Variants in GOLGA3 observed in about 807,000 individuals in gnomAD.
The protein encoded by GOLGA3 is golgin A3, also known as golgin subfamily A member 3.
Under a neutral mutation model 169.4 loss-of-function variants are expected in GOLGA3, and 75 were observed. The observed-to-expected ratio is 0.44, with a 90% CI of 0.37 to 0.54. The LOEUF (loss-of-function observed/expected upper bound fraction) is 0.54, where lower values mean the gene tolerates loss of function less well. Among genes scored for constraint, GOLGA3 ranks in the 20% least tolerant of loss-of-function variants. GOLGA3 has a pLI of 0.00. For synonymous variants in GOLGA3, 824 were observed against 822.4 expected, an observed-to-expected ratio of 1.00 and a Z score of -0.03; for missense variants, 1,899 against 1,930.0, an observed-to-expected ratio of 0.98 and a Z score of 0.30.
Position 132,804,984 on chromosome 12 carries a change from G to A in GOLGA3, c.1329C>T (p.Ala443=), listed in dbSNP as rs149503883. The A allele has an allele frequency of 1.9e-3, 3,048 of 1,611,708 alleles. 9 individuals carry two copies. The highest frequency in any genetic ancestry group is 4.0e-3 in the South Asian group (367 of 91,046). Residue 443 remains alanine, a synonymous_variant, in exon 7 of 24, where the codon GCC becomes GCT. Transcript: ENST00000450791. The surrounding 1 kb of genome is among the most constrained non-coding windows in gnomAD (Gnocchi z 4.1). Reference sequence around the variant, plus strand: ...GCGCCTGCAGCTTCGTGCTGAGGGCGGCCAGCTGGGCCTGCAGCTCAGCCT... The same window carrying A: ...GCGCCTGCAGCTTCGTGCTGAGGGCAGCCAGCTGGGCCTGCAGCTCAGCCT... ...KEKAELQAQL[A]ALSTKLQAQV...
intron 18 of GOLGA3, among the ~76,000 whole-genome samples, chr12:132,778,893 GAA>G (rs58841336): frequency 7.1e-6 from 1 of 141,756 alleles, no homozygotes; most frequent in Non-Finnish European, 1.5e-5. Flanking sequence ...GACTCCGTCT[GAA>G]AAAAAAAAAA....
intron 8 of GOLGA3, among the ~76,000 whole-genome samples, chr12:132,799,910 T>C (rs1949047620): frequency 6.6e-6 from 1 of 152,026 alleles, no homozygotes; most frequent in South Asian, 2.1e-4. Context: ...CTGGCTAACT[T>C]TTGCATTTTT....
Position 132,772,121 on chromosome 12 carries a change from ATAAT to A in GOLGA3, c.*980_*983del, listed in dbSNP as rs1256558188. 1 of 152,274 alleles carries A rather than the reference ATAAT, an allele frequency of 6.6e-6. No homozygotes were observed. The highest frequency in any genetic ancestry group is 1.5e-5 in the Non-Finnish European group (1 of 68,044). 9.4% of individuals were successfully genotyped at this position (152,274 alleles called of 1,614,324 possible). ...TATTTGGCTTTAGAAGGTAAATAAA[ATAAT>A]TATATTTCTTAGAATTTTCTGACTA... On this transcript the variant is annotated 3_prime_UTR_variant, in exon 24 of 24. Coordinates refer to ENST00000450791, the MANE Select transcript of GOLGA3 (RefSeq NM_001389683.1).
intron 4 of GOLGA3, among the ~76,000 whole-genome samples, chr12:132,808,959 G>C (rs1191287269): frequency 6.6e-6 from 1 of 152,206 alleles, no homozygotes. Flanking sequence ...GCTGGGCCTG[G>C]GGGACCACTA....
In GOLGA3 at chr12:132,822,077, T is replaced by G. The variant is rs550086366; in HGVS notation, c.52A>C (p.Ser18Arg). ...QDGLQEDRSH[S>R]GPSSLPEAPL... is the part of the protein sequence containing the mutation. ...GCCTCGGGGAGAGACGAGGGGCCAC[T>G]GTGGGATCTGTCCTCCTGGAGGCCA... The change falls in exon 2 of 24, where the codon AGT (serine) becomes CGT (arginine). Residue 18 changes from serine (S) to arginine (R), a missense_variant. Coordinates refer to ENST00000450791, the MANE Select transcript of GOLGA3 (RefSeq NM_001389683.1). 5 of 1,607,372 alleles carry G rather than the reference T, an allele frequency of 3.1e-6. No homozygotes were observed. Among genetic ancestry groups the G allele is most frequent in the East Asian group, 2.3e-5 (1 of 44,202 alleles).
intron 22 of GOLGA3, chr12:132,774,523 A>C: frequency 1.6e-6 from 1 of 612,508 alleles, no homozygotes; most frequent in Non-Finnish European, 2.9e-6. Flanking sequence ...TTTATTCCTA[A>C]GGCACAAAAC....
chr12:132,787,874 CGAGACCCCAGGACCCTTCCT>C (rs1225097236), intron 13 of GOLGA3, among the ~76,000 whole-genome samples: 6 of 128,862 alleles, frequency 4.7e-5, no homozygotes, highest in African/African-American at 1.1e-4. Context: ...GACCCCTTCC[CGAGACCCCAGGACCCTTCCT>C]GAGACCCCAG....
chr12:132,826,000 C>T (rs1950398337), intron 1 of GOLGA3: 5 of 1,125,350 alleles, frequency 4.4e-6, no homozygotes, highest in Non-Finnish European at 6.8e-6. Context: ...GCAAGTACAA[C>T]CACTTCGAGA....
intron 15 of GOLGA3, 80 bp from the exon 16 acceptor site, chr12:132,784,387 G>A (rs1252368770): frequency 1.6e-6 from 2 of 1,227,498 alleles, no homozygotes; most frequent in African/African-American, 3.0e-5. Context: ...CGGCAGGCAT[G>A]AGGCTGTGTG....
At position 132,808,563 on chromosome 12, in the gene GOLGA3, A is replaced by G. The variant is rs373744050; in HGVS notation, c.520-14T>C. The G allele has an allele frequency of 3.2e-6, 5 of 1,551,690 alleles. No homozygotes were observed. Among genetic ancestry groups the G allele is most frequent in the African/African-American group, 1.4e-5 (1 of 72,172 alleles). The stretch of plus-strand genomic sequence containing the variant: ...AGGTTGACTGGACTGAGAAGAAAAC[A>G]AAAGTACAAAAATTACATTTAAAAT... On this transcript the variant is annotated splice_polypyrimidine_tract_variant and intron_variant, in intron 4 of 23. Coordinates refer to ENST00000450791, the MANE Select transcript of GOLGA3 (RefSeq NM_001389683.1).
intron 21 of GOLGA3, among the ~76,000 whole-genome samples, chr12:132,775,760 A>C (rs2136250890): frequency 6.6e-6 from 1 of 152,328 alleles, no homozygotes; most frequent in African/African-American, 2.4e-5. Flanking sequence ...CTGTGTCTAT[A>C]AATAAATTCT....
intron 21 of GOLGA3, among the ~76,000 whole-genome samples, chr12:132,776,063 C>A (rs1056435708): frequency 6.6e-6 from 1 of 152,232 alleles, no homozygotes; most frequent in African/African-American, 2.4e-5. Flanking sequence ...GCCAGCTCCC[C>A]GGGAGCACTG....
At chr12:132,793,039 G>A (rs1360850831) in intron 11 of GOLGA3, among the ~76,000 whole-genome samples, 3 of 77,226 alleles carry the variant, frequency 3.9e-5, no homozygotes, top group Non-Finnish European at 8.3e-5. Context: ...GCTCCACACA[G>A]ACCCACCGCA....
intron 2 of GOLGA3, 124 bp downstream of exon 2, chr12:132,821,872 A>AC: frequency 3.0e-6 from 2 of 666,660 alleles, no homozygotes; most frequent in East Asian, 3.1e-5. Context: ...AAAAAAAAAA[A>AC]AACAACTTTG....
At chr12:132,794,126 T>C (rs1448775337) in intron 11 of GOLGA3, among the ~76,000 whole-genome samples, 1 of 152,004 alleles carries the variant, frequency 6.6e-6, no homozygotes. Flanking sequence ...GCTCCCACAG[T>C]GGGCAACAGA....
chr12:132,821,578 C>T (rs1471166825), intron 2 of GOLGA3, among the ~76,000 whole-genome samples: 4 of 152,106 alleles, frequency 2.6e-5, no homozygotes, highest in South Asian at 2.1e-4. Context: ...GGGCCGGGCA[C>T]AGTGGCTCAC....
intron 11 of GOLGA3, 42 bp from the exon 12 acceptor site, chr12:132,791,335 G>T: frequency 1.8e-6 from 2 of 1,140,332 alleles, no homozygotes; most frequent in Non-Finnish European, 2.6e-6. Flanking sequence ...GACGGCTCCA[G>T]GAGGGGAATC....
chr12:132,805,061 C>T (rs777657359), intron 6 of GOLGA3, 39 bp from the exon 7 acceptor site: 21 of 1,580,306 alleles, frequency 1.3e-5, no homozygotes, highest in South Asian at 5.7e-5. Flanking sequence ...TTTAAGAAAA[C>T]GAGTCACTTC....
chr12:132,786,033 A>AGG, intron 15 of GOLGA3, among the ~76,000 whole-genome samples: 1 of 152,220 alleles, frequency 6.6e-6, no homozygotes, highest in Non-Finnish European at 1.5e-5. Context: ...ACGCGAGCGG[A>AGG]CCAGGGCAGG....
Sources: gnomAD v4.1 joint callset for allele counts (sites outside exome capture counted in the v4.1 genomes callset) on GRCh38, gnomAD v4.1.1 for gene constraint, Gnocchi (gnomAD v3.1) non-coding constraint, MANE v1.5 for transcripts, NCBI Gene and HGNC (gene_info 2026-07-23, HGNC 2026-07-21) for gene names.